The following ADGRG2 variants were observed in gnomAD, a reference collection of about 807,000 sequenced individuals.
ADGRG2 encodes the protein adhesion G protein-coupled receptor G2.
In ADGRG2, 26 loss-of-function variants were observed where a neutral mutation model predicts 74.1. The observed-to-expected ratio is 0.35, with a 90% CI of 0.26 to 0.49. ADGRG2 has a LOEUF of 0.49. Among genes scored for constraint, ADGRG2 ranks in the 20% least tolerant of loss-of-function variants. The pLI, the probability that ADGRG2 is intolerant of heterozygous loss-of-function variation, is 0.99. For synonymous variants in ADGRG2, 296 were observed against 295.2 expected, an observed-to-expected ratio of 1.00 and a Z score of -0.03; for missense variants, 619 against 763.1, an observed-to-expected ratio of 0.81 and a Z score of 2.22.
chrX:19,016,137 C>T (rs2060464633), intron 15 of ADGRG2, among the ~76,000 whole-genome samples: 1 of 112,338 alleles, frequency 8.9e-6, no homozygotes, highest in Non-Finnish European at 1.9e-5. Flanking sequence ...GGCGCAGTGC[C>T]CATTTTAATG....
rs778756911 is a variant in ADGRG2 at position 19,024,538 on chromosome X, C to T, written c.471-590G>A. On this transcript the variant is annotated intron_variant, in intron 11 of 28. Coordinates refer to ENST00000379869, the MANE Select transcript of ADGRG2 (RefSeq NM_001079858.3). ...TCCAGTTAAAGAATTCATTCTAAGGCGGTAGTTCTCAAACAGGGGAGAGTC... is the reference window on the plus strand; with the variant it reads ...TCCAGTTAAAGAATTCATTCTAAGGTGGTAGTTCTCAAACAGGGGAGAGTC... 4.4e-5 allele frequency among the ~76,000 whole-genome samples: 5 copies of T among 112,500 alleles called. No individual in the cohort carries two copies. The East Asian group carries it at 8.4e-4, about 19-fold the overall frequency.
intron 1 of ADGRG2, among the ~76,000 whole-genome samples, chrX:19,110,410 C>T (rs890630956): frequency 6.6e-4 from 73 of 111,072 alleles, no homozygotes; most frequent in African/African-American, 2.3e-3. Context: ...GGACCAGGCG[C>T]GGTGGCTCAT....
rs141568362 is a variant in ADGRG2 at position 19,056,451 on chromosome X, C to T, written c.118+12266G>A. On this transcript the variant is annotated intron_variant, in intron 3 of 28. Transcript: ENST00000379869. Reference sequence around the variant, plus strand: ...CTCACCCTATCAGCTTTGCTCCTAGCGAATGTTCATATCGTGGTTCTCCGG... The same window carrying T: ...CTCACCCTATCAGCTTTGCTCCTAGTGAATGTTCATATCGTGGTTCTCCGG... 7.1e-3 allele frequency among the ~76,000 whole-genome samples: 796 copies of T among 111,395 alleles called. 12 individuals are homozygous for T. Among genetic ancestry groups the T allele is most frequent in the African/African-American group, 0.025 (764 of 30,699 alleles).
chrX:19,111,554 T>C (rs2062412276), intron 1 of ADGRG2, among the ~76,000 whole-genome samples: 1 of 111,692 alleles, frequency 9.0e-6, no homozygotes, highest in Admixed American at 9.6e-5. Context: ...TGCCGCCAAG[T>C]AAAACATGGT....
chrX:19,001,169 G>T (rs1162037922), intron 24 of ADGRG2, among the ~76,000 whole-genome samples: 1 of 111,543 alleles, frequency 9.0e-6, no homozygotes, highest in East Asian at 2.8e-4. Flanking sequence ...GTTCTGTCCT[G>T]GCTGATCCAG....
intron 23 of ADGRG2, among the ~76,000 whole-genome samples, 153 bp from the exon 24 acceptor site, chrX:19,003,267 CG>C (rs1289829667): frequency 9.0e-6 from 1 of 111,460 alleles, no homozygotes; most frequent in African/African-American, 3.3e-5. Context: ...TGGGCTCAAG[CG>C]ATCTTCCCAC....
intron 15 of ADGRG2, 96 bp downstream of exon 15, chrX:19,019,503 C>T (rs2060540664): frequency 5.9e-6 from 3 of 509,108 alleles, no homozygotes; most frequent in Non-Finnish European, 1.0e-5. Flanking sequence ...AAATTGAAAG[C>T]CTTCTTTACT....
intron 1 of ADGRG2, among the ~76,000 whole-genome samples, chrX:19,117,957 G>A (rs866881988): frequency 1.8e-4 from 19 of 105,624 alleles, no homozygotes; most frequent in Middle Eastern, 4.9e-3. Flanking sequence ...AAAAAAAAAA[G>A]AATTCCAAGC....
At chrX:19,046,056 A>T (rs935031696) in intron 3 of ADGRG2, among the ~76,000 whole-genome samples, 4 of 110,467 alleles carry the variant, frequency 3.6e-5, no homozygotes, top group South Asian at 3.9e-4. Flanking sequence ...GGATATTTTT[A>T]AAAAATTTTT....
At chrX:19,122,393 G>A (rs2062625449) in intron 1 of ADGRG2, 49 bp downstream of exon 1, 1 of 112,156 alleles carries the variant, frequency 8.9e-6, no homozygotes. Context: ...TGCGAGTCTG[G>A]GTCTCAGGAC....
intron 2 of ADGRG2, among the ~76,000 whole-genome samples, chrX:19,075,617 C>CAA (rs61690480): frequency 1.9e-3 from 74 of 39,160 alleles, no homozygotes; most frequent in East Asian, 3.9e-3. Flanking sequence ...GACTTCGCCT[C>CAA]AAAAAAAAAA....
intron 1 of ADGRG2, among the ~76,000 whole-genome samples, chrX:19,101,156 T>C (rs1291407689): frequency 9.3e-6 from 1 of 107,096 alleles, no homozygotes. Context: ...ATTCCTGCTC[T>C]TCCCCCACCC....
At chrX:19,045,490 T>G (rs1477100475) in intron 3 of ADGRG2, among the ~76,000 whole-genome samples, 3 of 108,828 alleles carry the variant, frequency 2.8e-5, no homozygotes, top group African/African-American at 1.0e-4. Context: ...GTATTTTTAG[T>G]AGAGACGGGG....
rs2059991045 is a variant in ADGRG2 at position 18,994,980 on chromosome X, T to C, written c.2785A>G (p.Asn929Asp). 2.5e-6 allele frequency: 3 copies of C among 1,198,215 alleles called. No homozygotes were observed. The highest frequency in any genetic ancestry group is 3.4e-6 in the Non-Finnish European group (3 of 884,302). ...TVNQGVSSSS[N>D]SLQSSSNSTN... is the part of the protein sequence containing the mutation. ...GAGTTACTGCTTGACTGTAAGGAAT[T>C]TGAAGAGCTGGACACTCCTTGGTTT... Residue 929 changes from asparagine to aspartate, a missense_variant, in exon 28 of 29, where the codon AAT becomes GAT. Physicochemically the swap from Asn to Asp is conservative, Grantham distance 23 (BLOSUM62 1). Transcript: ENST00000379869.
chrX:19,095,690 C>T (rs1425505129), intron 1 of ADGRG2, among the ~76,000 whole-genome samples: 3 of 111,632 alleles, frequency 2.7e-5, no homozygotes, highest in Non-Finnish European at 3.8e-5. Flanking sequence ...AATCTAGTCT[C>T]GGGGACAGCT....
At chrX:19,064,055 C>G (rs2061527217) in intron 3 of ADGRG2, among the ~76,000 whole-genome samples, 1 of 111,906 alleles carries the variant, frequency 8.9e-6, no homozygotes, top group African/African-American at 3.3e-5. Context: ...AATACCAACT[C>G]CCATTACTCA....
chrX:19,018,501 T>C (rs1438179294), intron 15 of ADGRG2, among the ~76,000 whole-genome samples: 1 of 107,338 alleles, frequency 9.3e-6, no homozygotes. Context: ...GGAATCAGTA[T>C]TTTTTTTTAA....
intron 26 of ADGRG2, 62 bp from the exon 27 acceptor site, chrX:18,996,214 C>T: frequency 1.8e-6 from 1 of 556,214 alleles, no homozygotes; most frequent in Non-Finnish European, 3.1e-6. Context: ...CATAAGCTCA[C>T]TTTGCACAAA....
At chrX:19,118,733 G>A (rs1313859449) in intron 1 of ADGRG2, among the ~76,000 whole-genome samples, 16 of 111,852 alleles carry the variant, frequency 1.4e-4, no homozygotes, top group Admixed American at 1.1e-3. Context: ...CATCTTCTAC[G>A]TGTTTACCTG....
Sources: allele counts gnomAD v4.1 joint callset (sites outside exome capture counted in the v4.1 genomes callset), GRCh38; gene constraint gnomAD v4.1.1; transcripts MANE v1.5; gene names NCBI Gene and HGNC (gene_info 2026-07-23, HGNC 2026-07-21).